CSMD1: variants seen among roughly 807,000 people sequenced by gnomAD.
CSMD1 encodes CUB and sushi domain-containing protein 1.
In CSMD1, 213 loss-of-function variants were observed where a neutral mutation model predicts 417.5. That is an observed-to-expected ratio of 0.51 (90% CI 0.46 to 0.57). The LOEUF is 0.57. Ranked by LOEUF, CSMD1 falls within the 20% of genes least tolerant of loss-of-function variation. The probability of loss-of-function intolerance (pLI) is 0.00; values close to 1 mark genes in which losing one functional copy is unlikely to be tolerated. For synonymous variants in CSMD1, 2,862 were observed against 1,736.8 expected, an observed-to-expected ratio of 1.65 and a Z score of -16.11; for missense variants, 6,923 against 4,529.7, an observed-to-expected ratio of 1.53 and a Z score of -15.17.
At chr8:3,448,947 G>T (rs1585180488) in intron 12 of CSMD1, among the ~76,000 whole-genome samples, 1 of 152,174 alleles carries the variant, frequency 6.6e-6, no homozygotes, top group Non-Finnish European at 1.5e-5. Flanking sequence ...GTAAATGTAG[G>T]AAAGAAGGTG....
At chr8:3,496,798 C>G (rs982708320) in intron 10 of CSMD1, among the ~76,000 whole-genome samples, 5 of 152,074 alleles carry the variant, frequency 3.3e-5, no homozygotes, top group African/African-American at 1.2e-4. Context: ...CCACTGCACT[C>G]CAACCTGGGC....
At chr8:3,697,022 G>A (rs1013032129) in intron 7 of CSMD1, among the ~76,000 whole-genome samples, 3 of 152,074 alleles carry the variant, frequency 2.0e-5, no homozygotes, top group African/African-American at 7.2e-5. Context: ...TGGTGAATGT[G>A]GTCACATTCC....
chr8:3,604,504 G>T (rs775200602), intron 8 of CSMD1, among the ~76,000 whole-genome samples: 2 of 152,162 alleles, frequency 1.3e-5, no homozygotes, highest in Non-Finnish European at 2.9e-5. Flanking sequence ...ACGTGCTAAA[G>T]AGGAGAGCCA....
intron 2 of CSMD1, among the ~76,000 whole-genome samples, chr8:4,593,938 G>A (rs1265775554): frequency 2.0e-5 from 3 of 152,216 alleles, no homozygotes; most frequent in East Asian, 3.9e-4. Flanking sequence ...AAATCAAAAT[G>A]TCAGGAGGAT....
At chr8:3,101,615 T>G (rs759346576) in intron 46 of CSMD1, among the ~76,000 whole-genome samples, 3 of 151,520 alleles carry the variant, frequency 2.0e-5, no homozygotes, top group East Asian at 3.9e-4. Context: ...TTAGTAGAGA[T>G]AGGTTTTCAC....
At chr8:4,513,777 T>C (rs1247641406) in intron 2 of CSMD1, among the ~76,000 whole-genome samples, 1 of 152,220 alleles carries the variant, frequency 6.6e-6, no homozygotes, top group East Asian at 1.9e-4. Context: ...AAAATAATTA[T>C]TCCTTATGTA....
intron 3 of CSMD1, among the ~76,000 whole-genome samples, chr8:4,088,804 C>T (rs1307168769): frequency 6.6e-6 from 1 of 152,128 alleles, no homozygotes; most frequent in Non-Finnish European, 1.5e-5. Flanking sequence ...ACACATTGAT[C>T]CCTCAGCATG....
chr8:4,312,171 G>C (rs1396707978), intron 3 of CSMD1, among the ~76,000 whole-genome samples: 1 of 151,698 alleles, frequency 6.6e-6, no homozygotes, highest in African/African-American at 2.4e-5. Context: ...CGTGCATTTA[G>C]TCAGAAGACA....
intron 12 of CSMD1, among the ~76,000 whole-genome samples, chr8:3,423,705 A>T (rs1486600422): frequency 6.6e-6 from 1 of 152,202 alleles, no homozygotes; most frequent in Non-Finnish European, 1.5e-5. Flanking sequence ...GTTCCATCCC[A>T]GGTCTTTGTG....
At chr8:4,924,595 G>A (rs995720605) in intron 1 of CSMD1, among the ~76,000 whole-genome samples, 2 of 151,814 alleles carry the variant, frequency 1.3e-5, no homozygotes, top group Non-Finnish European at 2.9e-5. Flanking sequence ...GGTGGCCCGT[G>A]CCTGTAATCC....
At position 4,390,497 on chromosome 8, in the gene CSMD1, T is replaced by TTTTTTTATTTA. The variant is rs58291340; in HGVS notation, c.415+29455_415+29456insTAAATAAAAAA. The stretch of plus-strand genomic sequence containing the variant: ...AACTGTTACCCACAGAAGCGTCCAT[T>TTTTTTTATTTA]TTTATTTATTTATTTATTTATTTAT... On this transcript the variant is annotated intron_variant, in intron 3 of 69. Coordinates refer to ENST00000635120, the MANE Select transcript of CSMD1 (RefSeq NM_033225.6). 1.3e-3 allele frequency among the ~76,000 whole-genome samples: 180 copies of TTTTTTTATTTA among 140,358 alleles called. 7 individuals are homozygous for TTTTTTTATTTA. The highest frequency in any genetic ancestry group is 7.4e-3 in the Middle Eastern group (2 of 270). The allele number at this position is 140,358 out of a possible 152,430, so 92.1% of individuals were successfully genotyped here.
chr8:4,724,075 CTA>C (rs1164834994), intron 1 of CSMD1, among the ~76,000 whole-genome samples: 2 of 152,086 alleles, frequency 1.3e-5, no homozygotes, highest in Non-Finnish European at 2.9e-5. Flanking sequence ...TTTAAACAAT[CTA>C]TATGCACTTA....
At chr8:4,663,200 C>G (rs1247403727) in intron 1 of CSMD1, among the ~76,000 whole-genome samples, 2 of 152,154 alleles carry the variant, frequency 1.3e-5, no homozygotes, top group Admixed American at 1.3e-4. Flanking sequence ...CTTGGCAAGA[C>G]AAGCCTGAGA....
chr8:3,355,178 A>G (rs1483917536), intron 21 of CSMD1, among the ~76,000 whole-genome samples: 8 of 151,964 alleles, frequency 5.3e-5, no homozygotes, highest in Admixed American at 3.3e-4. Flanking sequence ...GAGGATATAT[A>G]TCTCACTTTC....
At chr8:3,371,828 T>C (rs1371055553) in intron 18 of CSMD1, among the ~76,000 whole-genome samples, 3 of 152,228 alleles carry the variant, frequency 2.0e-5, no homozygotes, top group African/African-American at 4.8e-5. Flanking sequence ...GAATTTCTCA[T>C]GGAATTTTTG....
At chr8:3,690,555 C>G (rs1379888605) in intron 7 of CSMD1, among the ~76,000 whole-genome samples, 1 of 152,174 alleles carries the variant, frequency 6.6e-6, no homozygotes, top group Non-Finnish European at 1.5e-5. Flanking sequence ...TTTCAATTAG[C>G]CAACCCTGGC....
intron 1 of CSMD1, among the ~76,000 whole-genome samples, chr8:4,854,492 T>A (rs1801674612): frequency 6.6e-6 from 1 of 152,138 alleles, no homozygotes; most frequent in African/African-American, 2.4e-5. Flanking sequence ...TGTATTTCCA[T>A]CTGAGGTACC....
intron 1 of CSMD1, among the ~76,000 whole-genome samples, chr8:4,643,994 C>T (rs1275178676): frequency 6.6e-6 from 1 of 152,074 alleles, no homozygotes; most frequent in African/African-American, 2.4e-5. Flanking sequence ...GGTTTTACTC[C>T]CAAACACTTA....
At chr8:3,634,124 G>C (rs895472133) in intron 7 of CSMD1, among the ~76,000 whole-genome samples, 2 of 152,216 alleles carry the variant, frequency 1.3e-5, no homozygotes, top group African/African-American at 4.8e-5. Context: ...TTCTTGACCT[G>C]ATGCTGGGAA....
Sources: allele counts gnomAD v4.1 joint callset (sites outside exome capture counted in the v4.1 genomes callset), GRCh38; gene constraint gnomAD v4.1.1; transcripts MANE v1.5; gene names NCBI Gene and HGNC (gene_info 2026-07-23, HGNC 2026-07-21).